The following CSMD1 variants were observed in gnomAD, a reference collection of about 807,000 sequenced individuals.
CSMD1 encodes the protein CUB and Sushi multiple domains 1, also known as CUB and sushi domain-containing protein 1.
Under a neutral mutation model 417.5 loss-of-function variants are expected in CSMD1, and 213 were observed. The ratio of observed to expected loss-of-function variants is 0.51; its 90% CI spans 0.46 to 0.57. The LOEUF is 0.57. Ranked by LOEUF, CSMD1 falls within the 20% of genes least tolerant of loss-of-function variation. The pLI, the probability that CSMD1 is intolerant of heterozygous loss-of-function variation, is 0.00. For missense variants in CSMD1, 6,923 were observed against 4,529.7 expected (o/e 1.53, Z -15.17); for synonymous variants, 2,862 against 1,736.8 (o/e 1.65, Z -16.11).
At chr8:3,552,227 G>T (rs573590965) in intron 10 of CSMD1, among the ~76,000 whole-genome samples, 1 of 152,212 alleles carries the variant, frequency 6.6e-6, no homozygotes, top group Non-Finnish European at 1.5e-5. Flanking sequence ...TAGAAAAAAG[G>T]GCTGAGGAAA....
At chr8:3,614,319 C>T (rs112124802) in intron 8 of CSMD1, among the ~76,000 whole-genome samples, 45 of 152,166 alleles carry the variant, frequency 3.0e-4, no homozygotes, top group African/African-American at 6.5e-4. Context: ...ACGGGCTATA[C>T]GTCTGCACAA....
At chr8:4,679,489 T>G (rs1245944306) in intron 1 of CSMD1, among the ~76,000 whole-genome samples, 1 of 152,208 alleles carries the variant, frequency 6.6e-6, no homozygotes, top group African/African-American at 2.4e-5. Context: ...ATCACTATTC[T>G]AGAATTTCAT....
chr8:3,506,249 C>A (rs1245676022), intron 10 of CSMD1, among the ~76,000 whole-genome samples: 1 of 152,154 alleles, frequency 6.6e-6, no homozygotes, highest in Non-Finnish European at 1.5e-5. Flanking sequence ...GTGAGCCAGG[C>A]TCTATGTCTG....
At chr8:4,943,752 A>T (rs555534576) in intron 1 of CSMD1, among the ~76,000 whole-genome samples, 6 of 152,332 alleles carry the variant, frequency 3.9e-5, no homozygotes, top group African/African-American at 1.4e-4. Context: ...TAAGCAAAGG[A>T]CTTTGGTAAG....
intron 1 of CSMD1, among the ~76,000 whole-genome samples, chr8:4,929,491 T>C (rs11988671): frequency 0.018 from 2,704 of 152,286 alleles, 79 homozygotes; most frequent in African/African-American, 0.058. Flanking sequence ...AATGAGATGC[T>C]GGATATTTCA....
At chr8:3,878,756 G>A (rs934480694) in intron 5 of CSMD1, among the ~76,000 whole-genome samples, 2 of 152,074 alleles carry the variant, frequency 1.3e-5, no homozygotes, top group Non-Finnish European at 2.9e-5. Context: ...CTTTATGTTG[G>A]ACAGTTATGC....
chr8:4,252,802 T>C (rs1175847279), intron 3 of CSMD1, among the ~76,000 whole-genome samples: 2 of 152,212 alleles, frequency 1.3e-5, no homozygotes, highest in Admixed American at 6.5e-5. Flanking sequence ...TTCTGTACAC[T>C]TTCTCCATGC....
intron 2 of CSMD1, among the ~76,000 whole-genome samples, chr8:4,456,156 G>C (rs1799468765): frequency 6.6e-6 from 1 of 151,244 alleles, no homozygotes; most frequent in African/African-American, 2.4e-5. Context: ...ACAGAGAGTG[G>C]TCCCTGTCTT....
At chr8:3,263,649 CA>C in intron 26 of CSMD1, among the ~76,000 whole-genome samples, 1 of 151,968 alleles carries the variant, frequency 6.6e-6, no homozygotes, top group Non-Finnish European at 1.5e-5. Flanking sequence ...TATAGTTACC[CA>C]AATTAGAAAA....
rs143068339 is a variant in CSMD1, at chr8:3,550,609, A to T, written c.1344+24336T>A. 2.1e-3 allele frequency among the ~76,000 whole-genome samples: 324 copies of T among 152,232 alleles called. 2 individuals carry two copies. Among genetic ancestry groups the T allele is most frequent in the African/African-American group, 7.2e-3 (300 of 41,520 alleles). ...TCCCTAAGTTCCTTTCTCTGACCTCATCAGTCTCCACCCCTTTGCCTAGTG... is the reference window on the plus strand; with the variant it reads ...TCCCTAAGTTCCTTTCTCTGACCTCTTCAGTCTCCACCCCTTTGCCTAGTG... On this transcript the variant is annotated intron_variant, in intron 10 of 69. Coordinates refer to ENST00000635120, the MANE Select transcript of CSMD1 (RefSeq NM_033225.6).
Position 3,932,910 on chromosome 8 carries a change from C to T in CSMD1, c.818+64993G>A, listed in dbSNP as rs572289265. On this transcript the variant is annotated intron_variant, in intron 5 of 69. Transcript: ENST00000635120. ...TTTCTATTCCAATAGCAACACACTT[C>T]TATTTAGTAAAGTAACTAAATCTTT... is the stretch of plus-strand genomic sequence containing the variant. 1.0e-4 allele frequency among the ~76,000 whole-genome samples: 15 copies of T among 150,280 alleles called. 1 individual carries two copies. Among genetic ancestry groups the T allele is most frequent in the African/African-American group, 2.9e-4 (12 of 40,834 alleles).
intron 2 of CSMD1, among the ~76,000 whole-genome samples, chr8:4,534,742 T>A (rs776706365): frequency 1.3e-5 from 2 of 152,114 alleles, no homozygotes; most frequent in Non-Finnish European, 2.9e-5. Context: ...TCCAACTCCA[T>A]CCACGTACAA....
In CSMD1 at chr8:3,201,736, A is replaced by G. The variant is rs757916411; in HGVS notation, c.4985-11T>C. 13 of 1,538,342 alleles carry G rather than the reference A, an allele frequency of 8.5e-6. No homozygotes were observed. The highest frequency in any genetic ancestry group is 1.2e-5 in the Non-Finnish European group (13 of 1,123,936). ...ACTGTCCAAAGACCACTAAAAAATA[A>G]GAGGTGGGATGTTGGCACAAGATGC... On this transcript the variant is annotated splice_polypyrimidine_tract_variant and intron_variant, in intron 31 of 69. Coordinates refer to ENST00000635120, the MANE Select transcript of CSMD1 (RefSeq NM_033225.6).
chr8:4,176,979 T>G (rs1024690985), intron 3 of CSMD1, among the ~76,000 whole-genome samples: 1 of 151,702 alleles, frequency 6.6e-6, no homozygotes, highest in African/African-American at 2.4e-5. Context: ...ACAATAAAAA[T>G]GGGAGACTTT....
chr8:4,662,007 G>C (rs1804638234), intron 1 of CSMD1, among the ~76,000 whole-genome samples: 2 of 152,118 alleles, frequency 1.3e-5, no homozygotes, highest in African/African-American at 2.4e-5. Flanking sequence ...AGCAATGTTT[G>C]ATGAACAATT....
At chr8:3,928,897 G>C (rs1440566944) in intron 5 of CSMD1, among the ~76,000 whole-genome samples, 1 of 148,900 alleles carries the variant, frequency 6.7e-6, no homozygotes, top group Non-Finnish European at 1.5e-5. Flanking sequence ...GCTTATCAGT[G>C]ATCTTTCTTT....
At chr8:4,300,117 T>C (rs1797899838) in intron 3 of CSMD1, among the ~76,000 whole-genome samples, 1 of 152,188 alleles carries the variant, frequency 6.6e-6, no homozygotes, top group African/African-American at 2.4e-5. Context: ...TTAGGTAACA[T>C]CAGCTGAGTG....
chr8:3,051,700 A>G (rs897216431), intron 50 of CSMD1, among the ~76,000 whole-genome samples: 1 of 152,238 alleles, frequency 6.6e-6, no homozygotes, highest in Non-Finnish European at 1.5e-5. Context: ...TTCATTGTCT[A>G]TACAGAAATG....
chr8:4,758,348 G>C (rs182031676), intron 1 of CSMD1, among the ~76,000 whole-genome samples: 2 of 152,260 alleles, frequency 1.3e-5, no homozygotes, highest in African/African-American at 4.8e-5. Context: ...TTTAGAATTT[G>C]CCTCTATGTA....
Sources: allele counts gnomAD v4.1 joint callset (sites outside exome capture counted in the v4.1 genomes callset), GRCh38; gene constraint gnomAD v4.1.1; transcripts MANE v1.5; gene names NCBI Gene and HGNC (gene_info 2026-07-23, HGNC 2026-07-21).